Variants in NUMB observed in about 807,000 individuals in gnomAD.
The protein encoded by NUMB is protein numb homolog.
A neutral mutation model predicts 59.7 loss-of-function variants in NUMB; 29 were observed. The observed-to-expected ratio is 0.49, with a 90% CI of 0.36 to 0.66. The LOEUF is 0.66. NUMB is among the 30% of genes least tolerant of loss of function. NUMB has a pLI of 0.00. For missense variants in NUMB, 723 were observed against 822.0 expected (o/e 0.88, Z 1.47); for synonymous variants, 288 against 288.2 (o/e 1.00, Z 0.01).
At chr14:73,403,066 G>A (rs930341047) in intron 2 of NUMB, among the ~76,000 whole-genome samples, 3 of 152,200 alleles carry the variant, frequency 2.0e-5, no homozygotes, top group African/African-American at 4.8e-5. Flanking sequence ...ACAGCTGGAG[G>A]TGACCATATG....
intron 1 of NUMB, among the ~76,000 whole-genome samples, chr14:73,443,760 C>A (rs1435724956): frequency 2.6e-5 from 4 of 152,038 alleles, no homozygotes; most frequent in Admixed American, 6.6e-5. Flanking sequence ...AAGCAATTCT[C>A]CAGCCACAGC....
chr14:73,339,854 G>C (rs1378171210), intron 4 of NUMB, among the ~76,000 whole-genome samples: 1 of 152,180 alleles, frequency 6.6e-6, no homozygotes, highest in Non-Finnish European at 1.5e-5. Context: ...GTAGAAACTG[G>C]AGGGCAGGCA....
At position 73,316,401 on chromosome 14, in the gene NUMB, A is replaced by C; in HGVS notation, c.223T>G (p.Phe75Val). The C allele has an allele frequency of 1.2e-6, 2 of 1,613,868 alleles. No homozygotes were observed. Among genetic ancestry groups the C allele is most frequent in the Non-Finnish European group, 1.7e-6 (2 of 1,179,870 alleles). Residue 75 changes from phenylalanine to valine, a missense_variant, in exon 6 of 13, where the codon TTC (phenylalanine) becomes GTC (valine). By Grantham distance (50) the Phe-to-Val change is conservative (BLOSUM62 -1). This residue lies in a region of NUMB where 317 missense variants were observed against 436.6 expected (regional missense o/e 0.73). Transcript: ENST00000555238. ...GGCATCAAACTTACTTTTCCAAAGA[A>C]GCCTTTGAAGAACTTCCTTTCCTGG... ...LKAERKFFKGFFGKTGKKAVK... is the reference protein window; with the variant it reads ...LKAERKFFKGVFGKTGKKAVK...
At chr14:73,362,107 A>C (rs185226986) in intron 3 of NUMB, among the ~76,000 whole-genome samples, 104 of 151,362 alleles carry the variant, frequency 6.9e-4, no homozygotes, top group African/African-American at 2.3e-3. Flanking sequence ...AAATACAAAA[A>C]CTAGCCAGGC....
intron 4 of NUMB, among the ~76,000 whole-genome samples, chr14:73,328,027 C>T (rs1353150476): frequency 6.6e-6 from 1 of 152,172 alleles, no homozygotes; most frequent in Non-Finnish European, 1.5e-5. Context: ...GTAATCCCAG[C>T]ACTTTGGGAG....
intron 4 of NUMB, among the ~76,000 whole-genome samples, chr14:73,341,340 ATAATT>A (rs775274642): frequency 1.1e-4 from 17 of 152,232 alleles, no homozygotes; most frequent in Non-Finnish European, 2.2e-4. Flanking sequence ...ACTAAAAATA[ATAATT>A]TAATTCCAAA....
intron 6 of NUMB, among the ~76,000 whole-genome samples, chr14:73,307,043 C>T (rs1890475787): frequency 6.6e-6 from 1 of 152,124 alleles, no homozygotes; most frequent in Non-Finnish European, 1.5e-5. Context: ...GGCGTGGTGG[C>T]TCACCCCTAT....
At chr14:73,285,999 T>C (rs953738626) in intron 9 of NUMB, among the ~76,000 whole-genome samples, 5 of 150,806 alleles carry the variant, frequency 3.3e-5, no homozygotes, top group African/African-American at 1.2e-4. Flanking sequence ...TAAAAGGTTA[T>C]AGTAAAAAAA....
At chr14:73,428,569 G>A (rs1897685476) in intron 1 of NUMB, among the ~76,000 whole-genome samples, 2 of 152,152 alleles carry the variant, frequency 1.3e-5, no homozygotes, top group South Asian at 2.1e-4. Flanking sequence ...AGACGTCAGG[G>A]GATCTCTTGA....
chr14:73,375,378 AT>A (rs1230570283), intron 2 of NUMB, among the ~76,000 whole-genome samples: 7 of 152,320 alleles, frequency 4.6e-5, no homozygotes, highest in Admixed American at 1.3e-4. Flanking sequence ...ACATAAAGAG[AT>A]TAAGTAACTT....
intron 3 of NUMB, among the ~76,000 whole-genome samples, chr14:73,359,622 A>G (rs983162040): frequency 1.3e-5 from 2 of 152,200 alleles, no homozygotes; most frequent in Non-Finnish European, 2.9e-5. Context: ...CAAGTGTGGG[A>G]TGAGAAAAAG....
At chr14:73,378,020 T>TAC (rs760071335) in intron 2 of NUMB, among the ~76,000 whole-genome samples, 151 of 134,166 alleles carry the variant, frequency 1.1e-3, no homozygotes, top group South Asian at 3.2e-3. Context: ...CACACACACA[T>TAC]ACACACACAC....
intron 4 of NUMB, among the ~76,000 whole-genome samples, chr14:73,351,949 C>G (rs575728718): frequency 6.6e-6 from 1 of 151,374 alleles, no homozygotes; most frequent in South Asian, 2.1e-4. Context: ...GCACTCCAGC[C>G]TGGGTGACAG....
chr14:73,332,664 T>C (rs1892048639), intron 4 of NUMB, among the ~76,000 whole-genome samples: 1 of 51,274 alleles, frequency 2.0e-5, no homozygotes, highest in African/African-American at 1.1e-4. Context: ...GTGTCTTCAC[T>C]GAAAACTCAG....
At chr14:73,377,970 T>C (rs1243305600) in intron 2 of NUMB, among the ~76,000 whole-genome samples, 3 of 146,236 alleles carry the variant, frequency 2.1e-5, no homozygotes, top group Non-Finnish European at 4.5e-5. Context: ...CACACATGCA[T>C]ACATATAGAT....
At chr14:73,457,046 GA>G (rs67252605) in intron 1 of NUMB, among the ~76,000 whole-genome samples, 27,549 of 148,886 alleles carry the variant, frequency 0.19, 3,080 homozygotes, top group Non-Finnish European at 0.25. Flanking sequence ...CAACTCACAT[GA>G]AAAAAAAAAC....
In NUMB at chr14:73,353,072, GTTTTT is replaced by G. The variant is rs71112737; in HGVS notation, c.126+2549_126+2553del. Among the ~76,000 whole-genome samples, 74 of 58,522 alleles carry G rather than the reference GTTTTT, an allele frequency of 1.3e-3. 5 individuals carry two copies. In the South Asian group the frequency reaches 0.025, roughly 20 times the overall value. The allele number at this position is 58,522 out of a possible 152,430, so 38.4% of individuals were successfully genotyped here. ...CTTAATGGATGCCACAGTTTTTCTT[GTTTTT>G]TTTTTTTTTTTTTTTTTTTTTTTTG... On this transcript the variant is annotated intron_variant, in intron 4 of 12. Coordinates refer to ENST00000555238, the MANE Select transcript of NUMB (RefSeq NM_001005743.2).
At chr14:73,374,999 C>T (rs760891981) in intron 2 of NUMB, among the ~76,000 whole-genome samples, 10 of 152,124 alleles carry the variant, frequency 6.6e-5, no homozygotes, top group Non-Finnish European at 1.0e-4. Flanking sequence ...TGAGCCACTG[C>T]GCCTGGCCTA....
chr14:73,406,991 A>G (rs1002349448), intron 2 of NUMB, among the ~76,000 whole-genome samples: 27 of 151,966 alleles, frequency 1.8e-4, no homozygotes, highest in Non-Finnish European at 7.4e-5. Flanking sequence ...ACAGGCGTGC[A>G]CCACCACGTC....
Sources: gnomAD v4.1 joint callset for allele counts (sites outside exome capture counted in the v4.1 genomes callset) on GRCh38, gnomAD v4.1.1 for gene constraint, gnomAD v4.1.1 regional missense constraint, MANE v1.5 for transcripts, NCBI Gene and HGNC (gene_info 2026-07-23, HGNC 2026-07-21) for gene names.